The following CACNA1B variants were observed in gnomAD, a reference collection of about 807,000 sequenced individuals.
The protein encoded by CACNA1B is calcium voltage-gated channel subunit alpha1 B.
In CACNA1B, 70 loss-of-function variants were observed where a neutral mutation model predicts 247.2. The ratio of observed to expected loss-of-function variants is 0.28; its 90% CI spans 0.23 to 0.35. The LOEUF is 0.35. CACNA1B is among the 10% of genes least tolerant of loss of function. CACNA1B has a pLI of 1.00. For missense variants in CACNA1B, 2,367 were observed against 3,197.4 expected (o/e 0.74, Z 6.26); for synonymous variants, 1,231 against 1,294.4 (o/e 0.95, Z 1.05).
chr9:138,074,192 C>T (rs1202261333), intron 34 of CACNA1B, 126 bp downstream of exon 34: 7 of 756,816 alleles, frequency 9.2e-6, no homozygotes, highest in Non-Finnish European at 1.7e-5. Context: ...TCTCTGTGAG[C>T]CAGATCCTGC....
intron 39 of CACNA1B, among the ~76,000 whole-genome samples, chr9:138,107,857 C>T (rs148032981): frequency 0.048 from 7,298 of 151,830 alleles, 604 homozygotes; most frequent in African/African-American, 0.17. Context: ...TGGTGGCGGG[C>T]GCCTGTAGTC....
chr9:137,947,776 T>C (rs1957813674), intron 6 of CACNA1B, among the ~76,000 whole-genome samples: 1 of 152,102 alleles, frequency 6.6e-6, no homozygotes, highest in African/African-American at 2.4e-5. Flanking sequence ...CCTTCTGGCC[T>C]CCATGGTTTC....
chr9:137,927,856 G>A (rs1272107037), intron 6 of CACNA1B, among the ~76,000 whole-genome samples: 3 of 152,052 alleles, frequency 2.0e-5, no homozygotes, highest in Admixed American at 1.3e-4. Flanking sequence ...AATGGGTGTT[G>A]AATTTTGTCA....
chr9:138,032,716 C>T (rs1314560522), intron 20 of CACNA1B: 2 of 453,842 alleles, frequency 4.4e-6, no homozygotes, highest in African/African-American at 2.0e-5. Context: ...TCCTTCTGAC[C>T]TCCATGGTTT....
In CACNA1B at chr9:137,986,736, G is replaced by T. The variant is rs202100120; in HGVS notation, c.1902-46G>T. On this transcript the variant is annotated intron_variant, in intron 14 of 46. Transcript: ENST00000371372. This position sits in a 1 kb window ranked among gnomAD's most constrained non-coding sequence, Gnocchi z 6.0. ...CGCTGGAGCCTGCAGGCGCTGCCTC[G>T]CTGCTGACGGGACTGCCACTTCCCA... The T allele has an allele frequency of 6.6e-7, 1 of 1,519,086 alleles. No homozygotes were observed. The highest frequency in any genetic ancestry group is 1.1e-5 in the South Asian group (1 of 89,038). The allele number at this position is 1,519,086 out of a possible 1,614,324, so 94.1% of individuals were successfully genotyped here.
intron 39 of CACNA1B, among the ~76,000 whole-genome samples, chr9:138,106,716 A>G (rs866868699): frequency 6.6e-6 from 1 of 152,160 alleles, no homozygotes; most frequent in African/African-American, 2.4e-5. Context: ...GTGAGCTGAG[A>G]TTGTACCACG....
intron 25 of CACNA1B, among the ~76,000 whole-genome samples, chr9:138,053,310 T>A (rs1259173678): frequency 6.6e-6 from 1 of 152,116 alleles, no homozygotes; most frequent in African/African-American, 2.4e-5. Flanking sequence ...CTCTAGCACC[T>A]CCTGCCCCTC....
Position 138,121,689 on chromosome 9 carries a change from C to A in CACNA1B, c.6710C>A (p.Ala2237Asp). 1.2e-6 allele frequency: 2 copies of A among 1,613,328 alleles called. No individual in the cohort carries two copies. The highest frequency in any genetic ancestry group is 1.7e-6 in the Non-Finnish European group (2 of 1,179,706). Reference protein sequence around the residue: ...RLSRGLSEHNALLQRDPLSQP... With the variant: ...RLSRGLSEHNDLLQRDPLSQP... Reference sequence around the variant, plus strand: ...AGCCGTGGGCTTTCCGAACACAACGCCCTGCTGCAGAGAGACCCCCTCAGC... The same window carrying A: ...AGCCGTGGGCTTTCCGAACACAACGACCTGCTGCAGAGAGACCCCCTCAGC... The change falls in exon 47 of 47, where the codon GCC becomes GAC. Residue 2237 changes from alanine (A) to aspartate (D), a missense_variant. Physicochemically the swap from Ala to Asp is moderately radical, Grantham distance 126. Coordinates refer to ENST00000371372, the MANE Select transcript of CACNA1B (RefSeq NM_000718.4). The surrounding 1 kb of genome is among the most constrained non-coding windows in gnomAD (Gnocchi z 6.8).
intron 12 of CACNA1B, 123 bp from the exon 13 acceptor site, chr9:137,984,015 T>G (rs947233381): frequency 2.8e-6 from 2 of 711,404 alleles, no homozygotes; most frequent in Non-Finnish European, 2.5e-6. Context: ...GGCTTGATTG[T>G]CAGACAAGGA....
chr9:137,895,254 G>T (rs1008820332), intron 3 of CACNA1B, among the ~76,000 whole-genome samples: 4 of 152,072 alleles, frequency 2.6e-5, no homozygotes, highest in African/African-American at 9.7e-5. Flanking sequence ...TATGTAATAA[G>T]GCTTGAAACT....
intron 34 of CACNA1B, among the ~76,000 whole-genome samples, chr9:138,075,268 C>T (rs1960274679): frequency 6.6e-6 from 1 of 152,144 alleles, no homozygotes; most frequent in South Asian, 2.1e-4. Context: ...TGTGGATGTA[C>T]AAGAGCACAT....
Position 137,952,464 on chromosome 9 carries a change from G to A in CACNA1B, c.1070+87G>A. The A allele has an allele frequency of 8.7e-7, 1 of 1,144,154 alleles. No individual in the cohort carries two copies. Among genetic ancestry groups the A allele is most frequent in the Non-Finnish European group, 1.3e-6 (1 of 763,702 alleles). 70.9% of individuals were successfully genotyped at this position (1,144,154 alleles called of 1,614,324 possible). On this transcript the variant is annotated intron_variant, in intron 7 of 46. Transcript: ENST00000371372. The surrounding 1 kb of genome is among the most constrained non-coding windows in gnomAD (Gnocchi z 4.8). ...GGGGCACGTGTGACACTTGGGGTGGGGGCCTGGCCCATGGGTGCCCTCTGT... is the reference window on the plus strand; with the variant it reads ...GGGGCACGTGTGACACTTGGGGTGGAGGCCTGGCCCATGGGTGCCCTCTGT...
intron 31 of CACNA1B, among the ~76,000 whole-genome samples, chr9:138,062,886 A>G (rs1440917012): frequency 6.6e-6 from 1 of 152,254 alleles, no homozygotes; most frequent in Non-Finnish European, 1.5e-5. Flanking sequence ...GTATTTCCTA[A>G]GTGGCCTATG....
intron 9 of CACNA1B, 28 bp downstream of exon 9, chr9:137,956,855 G>A (rs770698850): frequency 1.3e-6 from 2 of 1,591,454 alleles, no homozygotes; most frequent in Admixed American, 3.3e-5. Flanking sequence ...GTACTCCTGT[G>A]TGGTGGAGTG....
intron 3 of CACNA1B, among the ~76,000 whole-genome samples, chr9:137,908,732 G>A (rs866130479): frequency 5.3e-5 from 8 of 151,384 alleles, no homozygotes; most frequent in African/African-American, 1.9e-4. Flanking sequence ...CTGGGTTCAC[G>A]CCATTCTCCT....
chr9:137,988,135 A>T (rs560091773), intron 15 of CACNA1B, among the ~76,000 whole-genome samples: 1 of 152,168 alleles, frequency 6.6e-6, no homozygotes, highest in Admixed American at 6.5e-5. Context: ...TTAGTGGGTG[A>T]CAGGACCTAT....
At chr9:137,996,733 C>G (rs926944893) in intron 15 of CACNA1B, among the ~76,000 whole-genome samples, 2 of 152,126 alleles carry the variant, frequency 1.3e-5, no homozygotes, top group Admixed American at 1.3e-4. Flanking sequence ...TATGTGAATT[C>G]TGCTATTTAA....
At chr9:137,883,112 C>T (rs1295019984) in intron 3 of CACNA1B, 3 of 553,724 alleles carry the variant, frequency 5.4e-6, no homozygotes, top group Admixed American at 6.1e-5. Flanking sequence ...ATCACAGTGA[C>T]CTGTCCCCAG....
intron 36 of CACNA1B, among the ~76,000 whole-genome samples, chr9:138,090,658 C>A (rs1306475017): frequency 9.2e-6 from 1 of 108,448 alleles, no homozygotes; most frequent in Admixed American, 1.3e-4. Flanking sequence ...ATCTGACAAG[C>A]TATTAATATC....
Sources: allele counts gnomAD v4.1 joint callset (sites outside exome capture counted in the v4.1 genomes callset), GRCh38; gene constraint gnomAD v4.1.1; non-coding constraint Gnocchi (gnomAD v3.1); transcripts MANE v1.5; gene names NCBI Gene and HGNC (gene_info 2026-07-23, HGNC 2026-07-21).